The following OR2L13 variants were observed in gnomAD, a reference collection of about 807,000 sequenced individuals.
The protein encoded by OR2L13 is olfactory receptor 2L13.
A neutral mutation model predicts 15.3 loss-of-function variants in OR2L13; 14 were observed. The observed-to-expected ratio is 0.91, with a 90% CI of 0.60 to 1.43. The LOEUF is 1.43. Ranked by LOEUF, OR2L13 falls within the 40% of genes most tolerant of loss-of-function variation. OR2L13 has a pLI of 0.00. For synonymous variants in OR2L13, 152 were observed against 142.9 expected (o/e 1.06, Z -0.45); for missense variants, 367 against 387.9 (o/e 0.95, Z 0.45).
At chr1:248,093,602 T>G (rs977880027), upstream of OR2L13, among the ~76,000 whole-genome samples, 4 of 152,200 alleles carry the variant, frequency 2.6e-5, no homozygotes, top group Non-Finnish European at 4.4e-5. Context: ...GTTTCGTACT[T>G]CATCGTATTT....
chr1:247,973,584 C>T, the OR2L13 span, among the ~76,000 whole-genome samples: 1 of 151,764 alleles, frequency 6.6e-6, no homozygotes, highest in African/African-American at 2.4e-5. Context: ...ATGTGCAGGG[C>T]CTGTTAAAGG....
the OR2L13 span, chr1:247,990,977 ATT>A: frequency 1.3e-6 from 2 of 1,500,650 alleles, no homozygotes; most frequent in Non-Finnish European, 1.9e-6. Context: ...AAGAAGGCCT[ATT>A]CGACCTGCAG....
the OR2L13 span, among the ~76,000 whole-genome samples, chr1:247,985,268 C>A: frequency 1.8e-4 from 27 of 151,010 alleles, no homozygotes; most frequent in Non-Finnish European, 3.1e-4. Context: ...CTACCCCCTA[C>A]CCCACAACAG....
chr1:248,030,621 C>A, the OR2L13 span, among the ~76,000 whole-genome samples: 2 of 152,060 alleles, frequency 1.3e-5, no homozygotes, highest in Non-Finnish European at 2.9e-5. Context: ...GGTTTGATTT[C>A]TTTTGCCATG....
the OR2L13 span, among the ~76,000 whole-genome samples, chr1:248,013,283 TG>T: frequency 6.6e-6 from 1 of 152,056 alleles, no homozygotes; most frequent in African/African-American, 2.4e-5. Flanking sequence ...ACATAAAAAG[TG>T]TAGGATTTCA....
At chr1:248,015,690 AT>A in the OR2L13 span, among the ~76,000 whole-genome samples, 1 of 152,118 alleles carries the variant, frequency 6.6e-6, no homozygotes, top group African/African-American at 2.4e-5. Flanking sequence ...TGTGGCTTGG[AT>A]TTTGGAGGCT....
At chr1:248,058,530 TTA>T in the OR2L13 span, among the ~76,000 whole-genome samples, 18 of 151,234 alleles carry the variant, frequency 1.2e-4, 1 homozygote, top group South Asian at 1.9e-3. Flanking sequence ...TAAAACCTGG[TTA>T]TATATATATA....
At chr1:247,992,370 A>T in the OR2L13 span, among the ~76,000 whole-genome samples, 2 of 152,298 alleles carry the variant, frequency 1.3e-5, no homozygotes, top group East Asian at 3.9e-4. Flanking sequence ...GGGAGTTTGA[A>T]GTTATATGCA....
chr1:248,055,928 A>G, the OR2L13 span: 1 of 152,158 alleles, frequency 6.6e-6, no homozygotes, highest in Non-Finnish European at 1.5e-5. Flanking sequence ...TAAGCTATTT[A>G]TTATTGCCTC....
chr1:248,070,870 A>G, the OR2L13 span, among the ~76,000 whole-genome samples: 1 of 152,048 alleles, frequency 6.6e-6, no homozygotes. Flanking sequence ...AGACTAGAAA[A>G]TCTAGAAGAA....
the OR2L13 span, among the ~76,000 whole-genome samples, chr1:247,960,231 A>G: frequency 6.6e-6 from 1 of 152,162 alleles, no homozygotes; most frequent in South Asian, 2.1e-4. Context: ...CCTGGGTATC[A>G]GCAGCGGAGG....
the OR2L13 span, among the ~76,000 whole-genome samples, chr1:247,999,939 T>C: frequency 6.6e-6 from 1 of 152,092 alleles, no homozygotes. Context: ...TTCAGAACTT[T>C]AGGATATTAC....
chr1:248,069,598 T>C, the OR2L13 span, among the ~76,000 whole-genome samples: 2 of 152,168 alleles, frequency 1.3e-5, no homozygotes, highest in Admixed American at 6.5e-5. Context: ...AACATCATAA[T>C]GACAGGATCA....
At chr1:248,002,726 C>T in the OR2L13 span, among the ~76,000 whole-genome samples, 77 of 151,974 alleles carry the variant, frequency 5.1e-4, 1 homozygote, top group Admixed American at 5.0e-3. Context: ...GGCGTGGTGG[C>T]GGGCGCCTGT....
the OR2L13 span, among the ~76,000 whole-genome samples, chr1:247,946,919 T>A: frequency 6.6e-6 from 1 of 152,330 alleles, no homozygotes; most frequent in South Asian, 2.1e-4. Context: ...GAAATTTTTT[T>A]AAGAATACTA....
chr1:248,038,554 G>GT, the OR2L13 span: 2 of 1,614,176 alleles, frequency 1.2e-6, no homozygotes, highest in Non-Finnish European at 1.7e-6. Flanking sequence ...TTCACTGGAT[G>GT]TGGGATTCAG....
chr1:248,005,303 A>G, the OR2L13 span, among the ~76,000 whole-genome samples: 1 of 152,122 alleles, frequency 6.6e-6, no homozygotes, highest in East Asian at 1.9e-4. Context: ...ACCCTCCATA[A>G]TTATATATTA....
At chr1:247,979,991 AC>A in the OR2L13 span, among the ~76,000 whole-genome samples, 1 of 152,216 alleles carries the variant, frequency 6.6e-6, no homozygotes, top group Non-Finnish European at 1.5e-5. Context: ...ATAAATTCAT[AC>A]AATAACAGTG....
the OR2L13 span, chr1:248,022,630 A>G: frequency 1.2e-6 from 2 of 1,613,982 alleles, no homozygotes; most frequent in Non-Finnish European, 1.7e-6. Context: ...TACCGCATGC[A>G]CTCTGCAGAA....
Sources: gnomAD v4.1 joint callset for allele counts (sites outside exome capture counted in the v4.1 genomes callset) on GRCh38, gnomAD v4.1.1 for gene constraint, MANE v1.5 for transcripts, NCBI Gene and HGNC (gene_info 2026-07-23, HGNC 2026-07-21) for gene names.